MCF2L: variants seen among roughly 807,000 people sequenced by gnomAD.
MCF2L encodes the protein guanine nucleotide exchange factor DBS.
Under a neutral mutation model 153.4 loss-of-function variants are expected in MCF2L, and 97 were observed. The ratio of observed to expected loss-of-function variants is 0.63; its 90% CI spans 0.54 to 0.75. The LOEUF is 0.75. MCF2L is among the 30% of genes least tolerant of loss of function. MCF2L has a pLI of 0.00. For missense variants in MCF2L, 1,347 were observed against 1,495.2 expected, an observed-to-expected ratio of 0.90 and a Z score of 1.64; for synonymous variants, 659 against 632.2, an observed-to-expected ratio of 1.04 and a Z score of -0.64.
Position 113,028,890 on chromosome 13 carries a change from G to A in MCF2L, c.278+4132G>A, listed in dbSNP as rs2085471316. ...GGGGTGTGTGTGGGGTATGTGTGGT[G>A]TGTGTGTAATGTGAGCATGTGGCAT... On this transcript the variant is annotated intron_variant, in intron 3 of 29. Coordinates refer to ENST00000535094, the MANE Select transcript of MCF2L (RefSeq NM_001112732.3). The surrounding 1 kb of genome is among the most constrained non-coding windows in gnomAD (Gnocchi z 5.4). Among the ~76,000 whole-genome samples the A allele has an allele frequency of 6.6e-6, 1 of 151,176 alleles. No individual in the cohort carries two copies. The highest frequency in any genetic ancestry group is 1.5e-5 in the Non-Finnish European group (1 of 67,794).
At chr13:113,081,313 G>A (rs374412029) in intron 16 of MCF2L, 34 bp downstream of exon 16, 11 of 1,553,976 alleles carry the variant, frequency 7.1e-6, no homozygotes, top group South Asian at 2.4e-5. Context: ...CGACTGCCAC[G>A]GGGACTCCCC....
chr13:112,975,778 A>T (rs2082192547), intron 1 of MCF2L, among the ~76,000 whole-genome samples: 5 of 152,226 alleles, frequency 3.3e-5, no homozygotes, highest in Admixed American at 3.3e-4. Flanking sequence ...TCTGAGAGGA[A>T]GGGTCTGTGG....
rs958451708 is a variant in MCF2L, at chr13:113,053,104, A to G, written c.370-7489A>G. 1.3e-5 allele frequency among the ~76,000 whole-genome samples: 2 copies of G among 152,200 alleles called. No individual in the cohort carries two copies. Among genetic ancestry groups the G allele is most frequent in the Non-Finnish European group, 2.9e-5 (2 of 68,036 alleles). On this transcript the variant is annotated intron_variant, in intron 4 of 29. Coordinates refer to ENST00000535094, the MANE Select transcript of MCF2L (RefSeq NM_001112732.3). The surrounding 1 kb of genome is among the most constrained non-coding windows in gnomAD (Gnocchi z 4.4). Reference sequence around the variant, plus strand: ...TGTCAGTTCATCCCGGATTGCTGACATGGTGTCTCCTGAGTGGAGCTGCCC... The same window carrying G: ...TGTCAGTTCATCCCGGATTGCTGACGTGGTGTCTCCTGAGTGGAGCTGCCC...
At chr13:112,995,342 G>A (rs549030372) in intron 1 of MCF2L, among the ~76,000 whole-genome samples, 88 of 152,322 alleles carry the variant, frequency 5.8e-4, no homozygotes, top group African/African-American at 2.0e-3. Context: ...AAGGAAAGAG[G>A]GTCCATTTGA....
chr13:113,087,643 C>T (rs2142049894), intron 22 of MCF2L, 64 bp from the exon 23 acceptor site: 2 of 1,426,888 alleles, frequency 1.4e-6, no homozygotes, highest in Admixed American at 1.7e-5. Flanking sequence ...GCACCAACAC[C>T]TTTTAAAAAC....
At chr13:112,921,310 A>T (rs1051037773) in intron 2 of MCF2L, among the ~76,000 whole-genome samples, 1 of 152,254 alleles carries the variant, frequency 6.6e-6, no homozygotes, top group Non-Finnish European at 1.5e-5. Flanking sequence ...TGCAAGTTTG[A>T]TGCCTAACAA....
chr13:112,986,771 G>A (rs902716803), intron 1 of MCF2L, among the ~76,000 whole-genome samples: 1 of 152,216 alleles, frequency 6.6e-6, no homozygotes, highest in African/African-American at 2.4e-5. Context: ...TCCTGCAGCC[G>A]GGTCTGCACT....
intron 7 of MCF2L, chr13:113,065,359 T>A (rs990286844): frequency 6.2e-5 from 29 of 469,968 alleles, no homozygotes; most frequent in African/African-American, 5.7e-4. Flanking sequence ...CCATTGGCCC[T>A]GGGTGGCCGT....
At chr13:113,084,341 A>T (rs1183877428) in intron 18 of MCF2L, among the ~76,000 whole-genome samples, 1 of 151,210 alleles carries the variant, frequency 6.6e-6, no homozygotes, top group Non-Finnish European at 1.5e-5. Context: ...GAACCTCCTG[A>T]ACCCCAGAAC....
chr13:112,996,684 C>T (rs924726166), intron 1 of MCF2L, among the ~76,000 whole-genome samples: 3 of 152,216 alleles, frequency 2.0e-5, no homozygotes, highest in Non-Finnish European at 2.9e-5. Flanking sequence ...CCGATGGTCC[C>T]GAGACTGTCG....
intron 3 of MCF2L, among the ~76,000 whole-genome samples, chr13:113,029,249 G>A (rs187034486): frequency 5.3e-4 from 80 of 152,260 alleles, no homozygotes; most frequent in Admixed American, 4.0e-3. Flanking sequence ...CAGCAGCCGC[G>A]GCAGCTCCCC....
intron 2 of MCF2L, among the ~76,000 whole-genome samples, chr13:112,938,044 G>T (rs1051286691): frequency 1.2e-4 from 2 of 17,076 alleles, no homozygotes; most frequent in Non-Finnish European, 2.7e-4. Flanking sequence ...GCCCTGATGG[G>T]CTGGTTCAGG....
intron 2 of MCF2L, among the ~76,000 whole-genome samples, chr13:113,020,892 ATGTGTAGATGTGTGTATGTG>A (rs1253811401): frequency 4.7e-5 from 7 of 150,430 alleles, no homozygotes; most frequent in African/African-American, 1.7e-4. Context: ...AGATGTGTGT[ATGTGTAGATGTGTGTATGTG>A]TGTGTATGTG....
At chr13:113,020,859 AGTGTGTATATGTGTGT>A (rs2084832088) in intron 2 of MCF2L, among the ~76,000 whole-genome samples, 1 of 147,482 alleles carries the variant, frequency 6.8e-6, no homozygotes, top group African/African-American at 2.5e-5. Context: ...ATGTATGTGT[AGTGTGTATATGTGTGT>A]ATGTGTAGAT....
At position 112,933,515 on chromosome 13, in the gene MCF2L, GC is replaced by G. The variant is rs576446538; in HGVS notation, c.169+31148del. Among the ~76,000 whole-genome samples, 41 of 152,344 alleles carry G rather than the reference GC, an allele frequency of 2.7e-4. 2 individuals carry two copies. The East Asian group carries it at 7.5e-3, about 28-fold the overall frequency. On this transcript the variant is annotated intron_variant, in intron 2 of 29. Coordinates refer to the MCF2L transcript ENST00000375608. Reference sequence around the variant, plus strand: ...GCGCTGATGGAGGAGAACAGGAGAGGCCCCAGGACAGCCCTGGCCCTGCTGC... The same window carrying G: ...GCGCTGATGGAGGAGAACAGGAGAGGCCCAGGACAGCCCTGGCCCTGCTGC...
chr13:112,941,858 G>C lies in MCF2L; in HGVS notation c.169+39487G>C, dbSNP rs2081578295. ...GGAAAAACCAGGCCATACAGAGATAGGAACTGAGGGGACATAGTGAGAAGT... is the reference window on the plus strand; with the variant it reads ...GGAAAAACCAGGCCATACAGAGATACGAACTGAGGGGACATAGTGAGAAGT... On this transcript the variant is annotated intron_variant, in intron 2 of 29. Coordinates refer to the MCF2L transcript ENST00000375608. This position sits in a 1 kb window ranked among gnomAD's most constrained non-coding sequence, Gnocchi z 4.9. 6.6e-6 allele frequency among the ~76,000 whole-genome samples: 1 copy of C among 152,184 alleles called. No homozygotes were observed. The highest frequency in any genetic ancestry group is 6.5e-5 in the Admixed American group (1 of 15,284).
intron 1 of MCF2L, among the ~76,000 whole-genome samples, chr13:112,990,183 G>A (rs12868259): frequency 0.24 from 37,099 of 152,096 alleles, 5,696 homozygotes; most frequent in Non-Finnish European, 0.34. Flanking sequence ...CAGATCTGTG[G>A]GAACCTTGTC....
At position 112,943,216 on chromosome 13, in the gene MCF2L, T is replaced by C. The variant is rs2081594118; in HGVS notation, c.169+40845T>C. ...CCTCAGTGGACTTCTGTCCTCACCA[T>C]GTTTCCCACTGGCACAGGTGGGGCG... On this transcript the variant is annotated intron_variant, in intron 2 of 29. Coordinates refer to the MCF2L transcript ENST00000375608. This position sits in a 1 kb window ranked among gnomAD's most constrained non-coding sequence, Gnocchi z 4.2. Among the ~76,000 whole-genome samples, 1 of 152,134 alleles carries C rather than the reference T, an allele frequency of 6.6e-6. No individual in the cohort carries two copies. The highest frequency in any genetic ancestry group is 2.4e-5 in the African/African-American group (1 of 41,444).
At chr13:113,050,217 A>AGACTG (rs1160050407) in intron 4 of MCF2L, among the ~76,000 whole-genome samples, 1 of 147,598 alleles carries the variant, frequency 6.8e-6, no homozygotes, top group African/African-American at 2.6e-5. Context: ...AGTGAATGTG[A>AGACTG]GACTGTGTGA....
Sources: allele counts gnomAD v4.1 joint callset (sites outside exome capture counted in the v4.1 genomes callset), GRCh38; gene constraint gnomAD v4.1.1; non-coding constraint Gnocchi (gnomAD v3.1); transcripts MANE v1.5; gene names NCBI Gene and HGNC (gene_info 2026-07-23, HGNC 2026-07-21).